Variants in RAPGEF4 observed in about 807,000 individuals in gnomAD.
RAPGEF4 encodes the protein Rap guanine nucleotide exchange factor 4.
Under a neutral mutation model 147.9 loss-of-function variants are expected in RAPGEF4, and 66 were observed. The observed-to-expected ratio is 0.45, with a 90% confidence interval of 0.37 to 0.55. The LOEUF is 0.55. RAPGEF4 is among the 20% of genes least tolerant of loss of function. The probability of loss-of-function intolerance (pLI) is 0.00; values close to 1 mark genes in which losing one functional copy is unlikely to be tolerated. For missense variants in RAPGEF4, 1,071 were observed against 1,257.3 expected (o/e 0.85, Z 2.24); for synonymous variants, 419 against 442.7 (o/e 0.95, Z 0.67).
At chr2:172,906,119 C>T (rs1408449939) in intron 4 of RAPGEF4, among the ~76,000 whole-genome samples, 4 of 152,180 alleles carry the variant, frequency 2.6e-5, no homozygotes, top group African/African-American at 9.7e-5. Context: ...TGTGAAAGAA[C>T]TCTGGGCAAG....
At chr2:172,962,082 T>A (rs1223876821) in intron 8 of RAPGEF4, among the ~76,000 whole-genome samples, 1 of 152,196 alleles carries the variant, frequency 6.6e-6, no homozygotes, top group Non-Finnish European at 1.5e-5. Context: ...AGTTAAGAAC[T>A]CGAGTCTAAT....
At chr2:172,861,537 A>G (rs941584876) in intron 4 of RAPGEF4, among the ~76,000 whole-genome samples, 10 of 152,190 alleles carry the variant, frequency 6.6e-5, no homozygotes, top group Admixed American at 1.3e-4. Context: ...TGGCGAGCCT[A>G]GGTGTTTGAC....
intron 17 of RAPGEF4, among the ~76,000 whole-genome samples, chr2:173,013,068 C>G (rs188778161): frequency 6.6e-6 from 1 of 152,156 alleles, no homozygotes; most frequent in Non-Finnish European, 1.5e-5. Flanking sequence ...ATCTCGTGCT[C>G]AATTTATGAA....
At chr2:172,845,763 G>A (rs2149716941) in intron 4 of RAPGEF4, among the ~76,000 whole-genome samples, 1 of 152,266 alleles carries the variant, frequency 6.6e-6, no homozygotes, top group South Asian at 2.1e-4. Flanking sequence ...TCGCAATGTG[G>A]TGCAACCATC....
intron 4 of RAPGEF4, among the ~76,000 whole-genome samples, chr2:172,903,785 G>C (rs1022787015): frequency 6.6e-6 from 1 of 152,104 alleles, no homozygotes; most frequent in Non-Finnish European, 1.5e-5. Context: ...TGAGAAAATT[G>C]GTCAGAAAAT....
chr2:172,973,959 A>G (rs1253123025), intron 10 of RAPGEF4, among the ~76,000 whole-genome samples: 1 of 152,180 alleles, frequency 6.6e-6, no homozygotes, highest in Non-Finnish European at 1.5e-5. Flanking sequence ...TTCAGATTAC[A>G]AGTCTCTTAA....
At chr2:172,968,927 C>G (rs912191936) in intron 10 of RAPGEF4, among the ~76,000 whole-genome samples, 1 of 152,206 alleles carries the variant, frequency 6.6e-6, no homozygotes, top group Non-Finnish European at 1.5e-5. Context: ...TTTCCTGGGT[C>G]CATCCCCTTT....
At position 173,034,873 on chromosome 2, in the gene RAPGEF4, AACACACACACACACACAC is replaced by A. The variant is rs34646146; in HGVS notation, c.2700+929_2700+946del. On this transcript the variant is annotated intron_variant, in intron 27 of 30. Coordinates refer to ENST00000397081, the MANE Select transcript of RAPGEF4 (RefSeq NM_007023.4). ...GGGTGACAGAGTGCGACCCCGTCTC[AACACACACACACACACAC>A]ACACACACACACACACACAAATACA... is the stretch of plus-strand genomic sequence containing the variant. Among the ~76,000 whole-genome samples the A allele has an allele frequency of 2.1e-5, 3 of 140,954 alleles. No individual in the cohort carries two copies. In the South Asian group the frequency reaches 7.2e-4, roughly 34 times the overall value. The allele number at this position is 140,954 out of a possible 152,430, so 92.5% of individuals were successfully genotyped here. A position where few individuals can be genotyped will look rare whatever the true frequency, so the allele number is the denominator to read the frequency against.
At position 172,925,777 on chromosome 2, in the gene RAPGEF4, A is replaced by AAGAGAGAGAGAGAG. The variant is rs67773579; in HGVS notation, c.537+3485_537+3498dup. On this transcript the variant is annotated intron_variant, in intron 6 of 30. Coordinates refer to ENST00000397081, the MANE Select transcript of RAPGEF4 (RefSeq NM_007023.4). The stretch of plus-strand genomic sequence containing the variant: ...AAAGAGAGAAAGGAAGAAAGAAAGA[A>AAGAGAGAGAGAGAG]AGAGAGAGAGAGAGAGAGAGAAAGA... Among the ~76,000 whole-genome samples, 232 of 133,882 alleles carry AAGAGAGAGAGAGAG rather than the reference A, an allele frequency of 1.7e-3. 1 individual carries two copies. The highest frequency in any genetic ancestry group is 8.8e-3 in the South Asian group (34 of 3,858). The allele number at this position is 133,882 out of a possible 152,430, so 87.8% of individuals were successfully genotyped here. A position where few individuals can be genotyped will look rare whatever the true frequency, so the allele number is the denominator to read the frequency against.
chr2:172,889,233 G>A (rs1697601997), intron 4 of RAPGEF4, among the ~76,000 whole-genome samples: 1 of 152,034 alleles, frequency 6.6e-6, no homozygotes, highest in Non-Finnish European at 1.5e-5. Context: ...AGAGCTGGAA[G>A]AGATCACATG....
intron 4 of RAPGEF4, among the ~76,000 whole-genome samples, chr2:172,877,662 C>T (rs1696125671): frequency 6.6e-6 from 1 of 152,136 alleles, no homozygotes; most frequent in Non-Finnish European, 1.5e-5. Context: ...CCAAGTCCTT[C>T]ACATGCCCTA....
At chr2:172,899,224 G>A (rs144119782) in intron 4 of RAPGEF4, among the ~76,000 whole-genome samples, 13 of 152,266 alleles carry the variant, frequency 8.5e-5, no homozygotes, top group African/African-American at 2.9e-4. Flanking sequence ...TAGAAAGGTC[G>A]TTTTTCTTCT....
intron 4 of RAPGEF4, among the ~76,000 whole-genome samples, chr2:172,909,169 G>A (rs3754760): frequency 0.016 from 2,396 of 152,180 alleles, 57 homozygotes; most frequent in East Asian, 0.11. Context: ...CCCACCTCTC[G>A]GAAGGGCCTT....
At chr2:172,992,511 A>C (rs2105746229) in intron 15 of RAPGEF4, among the ~76,000 whole-genome samples, 1 of 152,340 alleles carries the variant, frequency 6.6e-6, no homozygotes, top group South Asian at 2.1e-4. Context: ...ACCTAGAAAC[A>C]TCTGATCAAG....
intron 27 of RAPGEF4, 120 bp from the exon 28 acceptor site, chr2:173,036,005 C>T: frequency 1.3e-6 from 1 of 744,938 alleles, no homozygotes. Flanking sequence ...CAATTCAAAC[C>T]TGTGTTGTTC....
intron 1 of RAPGEF4, among the ~76,000 whole-genome samples, chr2:172,752,543 G>A (rs1559022882): frequency 1.3e-5 from 2 of 152,164 alleles, no homozygotes; most frequent in Non-Finnish European, 2.9e-5. Context: ...TTCCCTGATG[G>A]TATTTGAAAG....
intron 26 of RAPGEF4, among the ~76,000 whole-genome samples, chr2:173,033,213 C>T: frequency 6.6e-6 from 1 of 152,074 alleles, no homozygotes; most frequent in Non-Finnish European, 1.5e-5. Flanking sequence ...AATAAATGCT[C>T]ATGTAGAAAA....
intron 29 of RAPGEF4, among the ~76,000 whole-genome samples, chr2:173,039,429 C>T (rs968171817): frequency 5.9e-5 from 9 of 151,402 alleles, no homozygotes; most frequent in South Asian, 2.1e-4. Context: ...TGCACCACTG[C>T]GCTCCAGCCT....
At chr2:172,769,993 A>C (rs1478772319) in intron 1 of RAPGEF4, among the ~76,000 whole-genome samples, 1 of 152,192 alleles carries the variant, frequency 6.6e-6, no homozygotes, top group African/African-American at 2.4e-5. Context: ...GATCATGATG[A>C]ACCACATATA....
Sources: allele counts gnomAD v4.1 joint callset (sites outside exome capture counted in the v4.1 genomes callset), GRCh38; gene constraint gnomAD v4.1.1; transcripts MANE v1.5; gene names NCBI Gene and HGNC (gene_info 2026-07-23, HGNC 2026-07-21).